Variants in SLC23A2 observed in about 807,000 individuals in gnomAD.
SLC23A2 encodes solute carrier family 23 member 2.
Under a neutral mutation model 73.3 loss-of-function variants are expected in SLC23A2, and 36 were observed. The ratio of observed to expected loss-of-function variants is 0.49; its 90% CI spans 0.38 to 0.65. SLC23A2 has a LOEUF of 0.65. Ranked by LOEUF, SLC23A2 falls within the 30% of genes least tolerant of loss-of-function variation. The pLI, the probability that SLC23A2 is intolerant of heterozygous loss-of-function variation, is 0.00. For missense variants in SLC23A2, 507 were observed against 841.6 expected (o/e 0.60, Z 4.92); for synonymous variants, 343 against 327.3 (o/e 1.05, Z -0.52).
rs1021811627 is a variant in SLC23A2, at chr20:4,905,297, G to T, written c.208-2739C>A. On this transcript the variant is annotated intron_variant, in intron 4 of 16. Coordinates refer to ENST00000338244, the MANE Select transcript of SLC23A2 (RefSeq NM_005116.6). ...TGGTACTAAAATGATACAGGAGGGG[G>T]CTGTGTGGTCAAGAGGATCAGACAA... 2.6e-5 allele frequency among the ~76,000 whole-genome samples: 4 copies of T among 152,098 alleles called. 1 individual carries two copies. Among genetic ancestry groups the T allele is most frequent in the Middle Eastern group, 6.3e-3 (2 of 316 alleles).
intron 11 of SLC23A2, among the ~76,000 whole-genome samples, chr20:4,873,497 CT>C (rs147512354): frequency 6.6e-6 from 1 of 152,324 alleles, no homozygotes; most frequent in East Asian, 1.9e-4. Flanking sequence ...AAGATTATGG[CT>C]GCCCATTAAG....
In SLC23A2 at chr20:4,949,659, G is replaced by A. The variant is rs72552241; in HGVS notation, c.-154-16943C>T. On this transcript the variant is annotated intron_variant, in intron 2 of 16. Transcript: ENST00000338244. ...CAGGCACAGTCACACACACACAGGCGCGCACACACACAGAAACAGACATAT... is the reference window on the plus strand; with the variant it reads ...CAGGCACAGTCACACACACACAGGCACGCACACACACAGAAACAGACATAT... Among the ~76,000 whole-genome samples, 583 of 151,832 alleles carry A rather than the reference G, an allele frequency of 3.8e-3. 4 individuals are homozygous for A. Among genetic ancestry groups the A allele is most frequent in the African/African-American group, 0.014 (559 of 41,392 alleles).
intron 3 of SLC23A2, among the ~76,000 whole-genome samples, chr20:4,924,861 A>G (rs1932617132): frequency 6.6e-6 from 1 of 152,076 alleles, no homozygotes; most frequent in African/African-American, 2.4e-5. Context: ...ACTTATTTCT[A>G]TTGTGGATTG....
At chr20:4,945,807 T>C (rs1230439594) in intron 2 of SLC23A2, among the ~76,000 whole-genome samples, 1 of 152,120 alleles carries the variant, frequency 6.6e-6, no homozygotes, top group Non-Finnish European at 1.5e-5. Context: ...CTCTGCACAC[T>C]GACATGAAAG....
chr20:4,934,560 C>T (rs2086930864), intron 2 of SLC23A2, among the ~76,000 whole-genome samples: 1 of 152,018 alleles, frequency 6.6e-6, no homozygotes, highest in South Asian at 2.1e-4. Context: ...CCAGCTTGGT[C>T]ATTATAAAAA....
At chr20:4,889,226 G>A (rs1013013303) in intron 6 of SLC23A2, among the ~76,000 whole-genome samples, 14 of 152,250 alleles carry the variant, frequency 9.2e-5, no homozygotes, top group Non-Finnish European at 1.3e-4. Context: ...GAAGTGCTTC[G>A]CCACGTGTGT....
chr20:4,991,720 TCA>T (rs11471369), intron 1 of SLC23A2, among the ~76,000 whole-genome samples: 21,460 of 139,134 alleles, frequency 0.15, 1,854 homozygotes, highest in African/African-American at 0.26. Flanking sequence ...AGACTCCGTT[TCA>T]CACACACACA....
At chr20:4,944,054 T>A (rs985988933) in intron 2 of SLC23A2, among the ~76,000 whole-genome samples, 4 of 152,228 alleles carry the variant, frequency 2.6e-5, no homozygotes. Context: ...TCTACTGTTT[T>A]GACTGTGATT....
intron 1 of SLC23A2, among the ~76,000 whole-genome samples, chr20:4,971,667 G>A (rs1353454257): frequency 1.3e-5 from 2 of 150,760 alleles, no homozygotes; most frequent in African/African-American, 4.9e-5. Flanking sequence ...CACACCTGTA[G>A]TCACAGCTAC....
chr20:4,885,290 T>G (rs1302127425), intron 7 of SLC23A2, among the ~76,000 whole-genome samples: 1 of 152,232 alleles, frequency 6.6e-6, no homozygotes, highest in African/African-American at 2.4e-5. Context: ...CAAAATGTAA[T>G]TGTATTTTTG....
intron 2 of SLC23A2, among the ~76,000 whole-genome samples, chr20:4,950,454 G>GGTCCA (rs1358086085): frequency 6.6e-6 from 1 of 152,138 alleles, no homozygotes; most frequent in African/African-American, 2.4e-5. Flanking sequence ...TGACTGCTGG[G>GGTCCA]GTCCAGTTCA....
At chr20:4,975,682 GT>G (rs200955021) in intron 1 of SLC23A2, among the ~76,000 whole-genome samples, 3,983 of 141,866 alleles carry the variant, frequency 0.028, 68 homozygotes, top group East Asian at 0.052. Context: ...TGCCCCGCCT[GT>G]TTTTTTTTTT....
intron 13 of SLC23A2, among the ~76,000 whole-genome samples, chr20:4,867,162 C>A (rs1159398103): frequency 4.0e-5 from 6 of 151,574 alleles, no homozygotes; most frequent in African/African-American, 1.5e-4. Context: ...GCCTGTGTAA[C>A]CTGCTCCCCA....
At chr20:4,997,142 G>T (rs1401828) in intron 1 of SLC23A2, among the ~76,000 whole-genome samples, 50,766 of 151,778 alleles carry the variant, frequency 0.33, 9,375 homozygotes, top group Admixed American at 0.41. Context: ...CTGCATTCTG[G>T]CTGGTCTCCT....
At chr20:4,919,841 T>C (rs373776229) in intron 3 of SLC23A2, among the ~76,000 whole-genome samples, 1 of 152,072 alleles carries the variant, frequency 6.6e-6, no homozygotes, top group African/African-American at 2.4e-5. Flanking sequence ...AATGTAAATA[T>C]GGAAGGGACA....
intron 3 of SLC23A2, among the ~76,000 whole-genome samples, chr20:4,929,287 G>GAAA (rs537709465): frequency 2.1e-5 from 3 of 146,280 alleles, no homozygotes; most frequent in African/African-American, 7.5e-5. Flanking sequence ...AAAAGAAAAA[G>GAAA]AAAAAAAAAA....
At chr20:4,907,332 G>A (rs1931992039) in intron 4 of SLC23A2, among the ~76,000 whole-genome samples, 1 of 151,628 alleles carries the variant, frequency 6.6e-6, no homozygotes. Context: ...GTCACTCAAG[G>A]GCAGGCCCAC....
At chr20:4,871,567 T>A (rs748783173) in intron 11 of SLC23A2, among the ~76,000 whole-genome samples, 1 of 152,046 alleles carries the variant, frequency 6.6e-6, no homozygotes, top group Non-Finnish European at 1.5e-5. Flanking sequence ...ACCACTGGAT[T>A]GGGAAGAGAA....
Position 4,947,989 on chromosome 20 carries a change from C to A in SLC23A2, c.-154-15273G>T, listed in dbSNP as rs1005548443. ...ATAACTTCCAGGAGATGGCTGTGCC[C>A]TGCTGATTCAGTCCCACTGTGTCTG... On this transcript the variant is annotated intron_variant, in intron 2 of 16. Transcript: ENST00000338244. This position sits in a 1 kb window ranked among gnomAD's most constrained non-coding sequence, Gnocchi z 4.4. Among the ~76,000 whole-genome samples the A allele has an allele frequency of 6.6e-6, 1 of 152,210 alleles. No individual in the cohort carries two copies. Among genetic ancestry groups the A allele is most frequent in the Non-Finnish European group, 1.5e-5 (1 of 68,034 alleles).
Sources: gnomAD v4.1 joint callset for allele counts (sites outside exome capture counted in the v4.1 genomes callset) on GRCh38, gnomAD v4.1.1 for gene constraint, Gnocchi (gnomAD v3.1) non-coding constraint, MANE v1.5 for transcripts, NCBI Gene and HGNC (gene_info 2026-07-23, HGNC 2026-07-21) for gene names.